NRXN3: variants seen among roughly 807,000 people sequenced by gnomAD.
NRXN3 encodes neurexin 3, also known as neurexin III.
In NRXN3, 32 loss-of-function variants were observed where a neutral mutation model predicts 137.6. That is an observed-to-expected ratio of 0.23 (90% CI 0.18 to 0.31). NRXN3 has a LOEUF of 0.31. Among genes scored for constraint, NRXN3 ranks in the 10% least tolerant of loss-of-function variants. The pLI is 1.00. For missense variants in NRXN3, 1,574 were observed against 2,062.5 expected (o/e 0.76, Z 4.59); for synonymous variants, 798 against 784.5 (o/e 1.02, Z -0.29).
chr14:78,824,103 C>CTTTTTT (rs11387026), intron 10 of NRXN3, among the ~76,000 whole-genome samples: 8 of 98,922 alleles, frequency 8.1e-5, no homozygotes, highest in Admixed American at 2.4e-4. Context: ...TCACCTGCTT[C>CTTTTTT]TTTTTTTTTT....
At chr14:79,714,370 A>G (rs1343042212) in intron 19 of NRXN3, among the ~76,000 whole-genome samples, 1 of 152,230 alleles carries the variant, frequency 6.6e-6, no homozygotes, top group Non-Finnish European at 1.5e-5. Flanking sequence ...AAGGAATTTG[A>G]TGAGGATGTT....
At position 78,702,451 on chromosome 14, in the gene NRXN3, C is replaced by CTTTTCTTTCTTTTT. The variant is rs151197180; in HGVS notation, c.1222-6764_1222-6763insTTCTTTCTTTTTTT. 3.3e-5 allele frequency among the ~76,000 whole-genome samples: 4 copies of CTTTTCTTTCTTTTT among 122,702 alleles called. 1 individual carries two copies. The highest frequency in any genetic ancestry group is 1.2e-4 in the African/African-American group (4 of 32,754). 80.5% of individuals were successfully genotyped at this position (122,702 alleles called of 152,430 possible). A position where few individuals can be genotyped will look rare whatever the true frequency, so the allele number is the denominator to read the frequency against. The stretch of plus-strand genomic sequence containing the variant: ...AAGAGAGAATCTTTCTTTTTCTTTT[C>CTTTTCTTTCTTTTT]TTATTTTTTTTGAGATGGAGTCTCA... On this transcript the variant is annotated intron_variant, in intron 6 of 20. Transcript: ENST00000335750.
chr14:79,476,427 C>A lies in NRXN3; in HGVS notation c.3444+9025C>A, dbSNP rs138835952. 5.9e-5 allele frequency among the ~76,000 whole-genome samples: 9 copies of A among 152,162 alleles called. No individual in the cohort carries two copies. In the East Asian group the frequency reaches 1.5e-3, roughly 26 times the overall value. Reference sequence around the variant, plus strand: ...GATATTTAGATAGGCCCTGTTGATACGACCAAGCTAACCTTCATCCTGAAA... The same window carrying A: ...GATATTTAGATAGGCCCTGTTGATAAGACCAAGCTAACCTTCATCCTGAAA... On this transcript the variant is annotated intron_variant, in intron 16 of 20. Transcript: ENST00000335750.
At chr14:79,373,612 G>T (rs974108081) in intron 15 of NRXN3, among the ~76,000 whole-genome samples, 1 of 152,050 alleles carries the variant, frequency 6.6e-6, no homozygotes, top group Non-Finnish European at 1.5e-5. Context: ...CGGTTCAGTG[G>T]CTATAATTAC....
At chr14:79,079,536 A>G (rs1428682438) in intron 15 of NRXN3, among the ~76,000 whole-genome samples, 1 of 152,198 alleles carries the variant, frequency 6.6e-6, no homozygotes, top group Non-Finnish European at 1.5e-5. Context: ...TAAATCTTCA[A>G]ATGTATGTTT....
At chr14:79,571,700 A>C (rs2153798315) in intron 16 of NRXN3, among the ~76,000 whole-genome samples, 1 of 152,248 alleles carries the variant, frequency 6.6e-6, no homozygotes, top group South Asian at 2.1e-4. Context: ...GGTAACAAAA[A>C]GTTATTGTAG....
intron 4 of NRXN3, among the ~76,000 whole-genome samples, chr14:78,509,637 C>T (rs568709589): frequency 1.3e-5 from 2 of 152,234 alleles, no homozygotes; most frequent in East Asian, 3.9e-4. Context: ...TGCTCTTCTC[C>T]AGGCTGCAGT....
At chr14:79,080,558 A>G (rs1002166832) in intron 15 of NRXN3, among the ~76,000 whole-genome samples, 3 of 152,084 alleles carry the variant, frequency 2.0e-5, no homozygotes, top group African/African-American at 7.2e-5. Context: ...TCCACTTCTT[A>G]TCATTGTTAG....
chr14:79,518,419 G>T (rs1272404011), intron 16 of NRXN3, among the ~76,000 whole-genome samples: 3 of 151,794 alleles, frequency 2.0e-5, no homozygotes, highest in Non-Finnish European at 4.4e-5. Context: ...AATTTCATAT[G>T]TCTCATATTT....
chr14:78,523,853 A>G (rs952249820), intron 4 of NRXN3, among the ~76,000 whole-genome samples: 3 of 148,718 alleles, frequency 2.0e-5, no homozygotes, highest in Non-Finnish European at 3.0e-5. Flanking sequence ...AAAGAATACA[A>G]GAGAGTGTGA....
intron 15 of NRXN3, among the ~76,000 whole-genome samples, chr14:79,118,563 A>T (rs2054863046): frequency 6.6e-6 from 1 of 152,236 alleles, no homozygotes; most frequent in Admixed American, 6.5e-5. Flanking sequence ...GAAGTGAGGA[A>T]CCGTGGCAAC....
At chr14:79,280,811 C>G in intron 15 of NRXN3, 1 of 428,838 alleles carries the variant, frequency 2.3e-6, no homozygotes. Flanking sequence ...ACCACACTCT[C>G]TCTTTTGCAA....
intron 10 of NRXN3, among the ~76,000 whole-genome samples, chr14:78,930,901 G>A (rs1219283436): frequency 6.6e-6 from 1 of 152,150 alleles, no homozygotes; most frequent in Non-Finnish European, 1.5e-5. Flanking sequence ...GTAGTACTTA[G>A]AATTTTGTTT....
chr14:78,363,378 T>C (rs1406801179), intron 4 of NRXN3, among the ~76,000 whole-genome samples: 2 of 152,340 alleles, frequency 1.3e-5, no homozygotes, highest in East Asian at 3.9e-4. Context: ...GAGTGATTAA[T>C]GATTGTGAAG....
chr14:78,350,178 A>G (rs1400389285), intron 4 of NRXN3, among the ~76,000 whole-genome samples: 1 of 151,694 alleles, frequency 6.6e-6, no homozygotes, highest in South Asian at 2.1e-4. Context: ...AATCCCAGCT[A>G]CTCCGGAGGA....
chr14:78,893,888 C>A (rs1487148169), intron 10 of NRXN3, among the ~76,000 whole-genome samples: 1 of 151,830 alleles, frequency 6.6e-6, no homozygotes, highest in Admixed American at 6.6e-5. Flanking sequence ...TTTCCCAGTG[C>A]ATATAAAAGT....
At chr14:79,177,764 C>A (rs1039796201) in intron 15 of NRXN3, among the ~76,000 whole-genome samples, 1 of 151,908 alleles carries the variant, frequency 6.6e-6, no homozygotes. Flanking sequence ...TAAATGGTAA[C>A]GAAAATGAGA....
intron 4 of NRXN3, among the ~76,000 whole-genome samples, chr14:78,504,982 A>G (rs1052419183): frequency 2.0e-5 from 3 of 152,116 alleles, no homozygotes; most frequent in Non-Finnish European, 4.4e-5. Flanking sequence ...CAAATCTCTG[A>G]GCCTTTGCCC....
Position 78,243,533 on chromosome 14 carries a change from T to C in NRXN3, c.440T>C (p.Leu147Ser). The change falls in exon 2 of 21, where the codon TTG becomes TCG. Residue 147 changes from leucine (L) to serine (S), a missense_variant. Leu to Ser is a moderately radical substitution (Grantham distance 145, BLOSUM62 -2). Around this residue, in one of 5 missense-constraint regions of NRXN3, gnomAD observed 400 missense variants for 527.3 expected, o/e 0.76. Transcript: ENST00000335750. This position sits in a 1 kb window ranked among gnomAD's most constrained non-coding sequence, Gnocchi z 4.2. ...QRPYMDVVSD[L>S]FLGGVPTDIR... ...CCCTACATGGATGTGGTCAGTGACT[T>C]GTTCCTTGGTGGAGTCCCTACTGAC... 1 of 1,597,248 alleles carries C rather than the reference T, an allele frequency of 6.3e-7. No individual in the cohort carries two copies. Among genetic ancestry groups the C allele is most frequent in the Non-Finnish European group, 8.5e-7 (1 of 1,179,310 alleles).
Sources: gnomAD v4.1 joint callset for allele counts (sites outside exome capture counted in the v4.1 genomes callset) on GRCh38, gnomAD v4.1.1 for gene constraint, gnomAD v4.1.1 regional missense constraint, Gnocchi (gnomAD v3.1) non-coding constraint, MANE v1.5 for transcripts, NCBI Gene and HGNC (gene_info 2026-07-23, HGNC 2026-07-21) for gene names.